The following ZNF486 variants were observed in gnomAD, a reference collection of about 807,000 sequenced individuals.
The protein encoded by ZNF486 is zinc finger protein 486.
ZNF486 carries 12 observed loss-of-function variants against 12.8 expected under a neutral mutation model. The ratio of observed to expected loss-of-function variants is 0.94; its 90% confidence interval spans 0.60 to 1.52. The LOEUF (loss-of-function observed/expected upper bound fraction) is 1.52. Among genes scored for constraint, ZNF486 ranks in the 40% most tolerant of loss-of-function variants. The pLI, the probability that ZNF486 is intolerant of heterozygous loss-of-function variation, is 0.00. For missense variants in ZNF486, 738 were observed against 545.0 expected (o/e 1.35, Z -3.53); for synonymous variants, 231 against 184.9 (o/e 1.25, Z -2.02).
At chr19:20,170,678 GAA>G (rs1294821448) in intron 1 of ZNF486, among the ~76,000 whole-genome samples, 5 of 152,180 alleles carry the variant, frequency 3.3e-5, no homozygotes, top group Non-Finnish European at 5.9e-5. Flanking sequence ...TGACAGGTAA[GAA>G]AAGAGAGCAC....
intron 3 of ZNF486, 67 bp downstream of exon 3, chr19:20,186,149 C>A: frequency 1.6e-6 from 2 of 1,240,762 alleles, no homozygotes; most frequent in Non-Finnish European, 2.2e-6. Flanking sequence ...AAAAAGAAAG[C>A]CAGTCCTTAA....
At chr19:20,179,935 T>C (rs782050727) in intron 1 of ZNF486, among the ~76,000 whole-genome samples, 10 of 152,246 alleles carry the variant, frequency 6.6e-5, no homozygotes, top group Non-Finnish European at 1.0e-4. Context: ...AATGTGATAC[T>C]GGAGTAGAGT....
chr19:20,184,539 T>C, intron 2 of ZNF486, 57 bp downstream of exon 2: 2 of 1,516,078 alleles, frequency 1.3e-6, no homozygotes, highest in Non-Finnish European at 1.8e-6. Flanking sequence ...TATTTCTCTT[T>C]TTTGCAGAAT....
chr19:20,175,668 G>A (rs376525610), intron 1 of ZNF486, among the ~76,000 whole-genome samples: 7 of 152,070 alleles, frequency 4.6e-5, no homozygotes, highest in African/African-American at 9.7e-5. Context: ...AGATCAACAG[G>A]ATCCCAAGGC....
At chr19:20,182,826 T>TA (rs2089800960) in intron 1 of ZNF486, among the ~76,000 whole-genome samples, 1 of 152,172 alleles carries the variant, frequency 6.6e-6, no homozygotes, top group South Asian at 2.1e-4. Context: ...CTGATACCTT[T>TA]AAAGGCATGT....
chr19:20,179,474 A>G (rs11878733), intron 1 of ZNF486, among the ~76,000 whole-genome samples: 11,723 of 152,128 alleles, frequency 0.077, 686 homozygotes, highest in African/African-American at 0.17. Context: ...TATTCATGTT[A>G]TGTCACCTTT....
At chr19:20,175,484 C>G (rs905368207) in intron 1 of ZNF486, among the ~76,000 whole-genome samples, 17 of 151,318 alleles carry the variant, frequency 1.1e-4, no homozygotes, top group Admixed American at 5.3e-4. Flanking sequence ...TGCGGCCTTC[C>G]GCAGTGTTTG....
At chr19:20,181,960 C>T (rs140705500) in intron 1 of ZNF486, among the ~76,000 whole-genome samples, 3 of 152,312 alleles carry the variant, frequency 2.0e-5, no homozygotes, top group East Asian at 3.9e-4. Context: ...GCACAAAGTA[C>T]CTGCTTAATA....
At chr19:20,193,619 C>G (rs186780351) in intron 3 of ZNF486, among the ~76,000 whole-genome samples, 2 of 151,984 alleles carry the variant, frequency 1.3e-5, no homozygotes, top group Admixed American at 1.3e-4. Context: ...CAAGGTCACA[C>G]CACTGTACTC....
In ZNF486 at chr19:20,167,299, G is replaced by A; in HGVS notation, c.-32G>A. 1.2e-6 allele frequency: 2 copies of A among 1,614,056 alleles called. No homozygotes were observed. Among genetic ancestry groups the A allele is most frequent in the Non-Finnish European group, 8.5e-7 (1 of 1,179,936 alleles). On this transcript the variant is annotated 5_prime_UTR_variant, in exon 1 of 4. Coordinates refer to ENST00000335117, the MANE Select transcript of ZNF486 (RefSeq NM_052852.4). ...AGAGGCCCACCCTCTGTGGCCCTGT[G>A]TCCTGTAGGTATTGGGAGATCCACA...
intron 1 of ZNF486, among the ~76,000 whole-genome samples, chr19:20,168,101 C>T (rs1419166418): frequency 2.6e-5 from 4 of 152,016 alleles, no homozygotes; most frequent in African/African-American, 9.6e-5. Context: ...GTGGCTCACG[C>T]CTGTAATCCC....
chr19:20,176,369 CAT>C, intron 1 of ZNF486: 1 of 157,262 alleles, frequency 6.4e-6, no homozygotes, highest in Non-Finnish European at 1.2e-5. Context: ...GGGCCCCTCA[CAT>C]CCCAGACGAT....
Position 20,198,159 on chromosome 19 carries a change from C to G in ZNF486, c.*57C>G. The stretch of plus-strand genomic sequence containing the variant: ...GAGAGGTAATTCTGCTGTTGTTTCC[C>G]AGGCTGGAGTGCAATGGCATAATTT... On this transcript the variant is annotated 3_prime_UTR_variant, in exon 4 of 4. Transcript: ENST00000335117. 1 of 1,460,358 alleles carries G rather than the reference C, an allele frequency of 6.8e-7. No homozygotes were observed. Among genetic ancestry groups the G allele is most frequent in the Non-Finnish European group, 9.1e-7 (1 of 1,094,490 alleles). The allele number at this position is 1,460,358 out of a possible 1,614,324, so 90.5% of individuals were successfully genotyped here.
In ZNF486 at chr19:20,189,646, A is replaced by G. The variant is rs368852548; in HGVS notation, c.253+3564A>G. Among the ~76,000 whole-genome samples the G allele has an allele frequency of 9.9e-5, 15 of 152,242 alleles. No homozygotes were observed. The East Asian group carries it at 2.5e-3, about 25-fold the overall frequency. ...CCCATTTGTGTAGTTTTTTGATGAA[A>G]AATCTTTTTGTTCATTTTTAAATCA... On this transcript the variant is annotated intron_variant, in intron 3 of 3. Transcript: ENST00000335117.
intron 1 of ZNF486, chr19:20,174,880 G>T (rs1237196366): frequency 2.0e-5 from 3 of 152,096 alleles, no homozygotes; most frequent in African/African-American, 7.2e-5. Context: ...TCATTAAATT[G>T]GTATGCTGCT....
intron 1 of ZNF486, among the ~76,000 whole-genome samples, chr19:20,181,328 A>G (rs1166571732): frequency 6.6e-6 from 1 of 152,178 alleles, no homozygotes; most frequent in Non-Finnish European, 1.5e-5. Context: ...TCATGAGGTC[A>G]GGAAATCGAG....
rs782799167 is a variant in ZNF486, at chr19:20,184,429, AG to A, written c.105del (p.Asn36IlefsTer6). The A allele has an allele frequency of 2.5e-6, 4 of 1,613,478 alleles. No homozygotes were observed. In the South Asian group the frequency reaches 4.4e-5, roughly 18 times the overall value. On this transcript the variant is annotated frameshift_variant, in exon 2 of 4. Coordinates refer to ENST00000335117, the MANE Select transcript of ZNF486 (RefSeq NM_052852.4). LOFTEE classifies it high-confidence loss of function. ...TGGCATTGCCTGGACACTGCACAGC[AG>A]AATTTATATAGGGATGTGATGTTAG... is the stretch of plus-strand genomic sequence containing the variant. ...EEWHCLDTAQQNLYRDVMLEN... is the reference protein window; with the variant it reads ...EEWHCLDTAQXNLYRDVMLEN...
At position 20,198,065 on chromosome 19, in the gene ZNF486, A is replaced by G. The variant is rs2089979306; in HGVS notation, c.1355A>G (p.His452Arg). 3 of 1,606,846 alleles carry G rather than the reference A, an allele frequency of 1.9e-6. No homozygotes were observed. The highest frequency in any genetic ancestry group is 2.6e-6 in the Non-Finnish European group (3 of 1,176,272). Residue 452 changes from histidine to arginine, a missense_variant, in exon 4 of 4, where the codon CAT becomes CGT. By Grantham distance (29) the His-to-Arg change is conservative. Coordinates refer to ENST00000335117, the MANE Select transcript of ZNF486 (RefSeq NM_052852.4). The stretch of plus-strand genomic sequence containing the variant: ...AACTGGTCCTCAGACCTTAATAAAC[A>G]TAAGAGAATTCATATTGGACAGAAA... ...AFNWSSDLNKHKRIHIGQKPR... is the reference protein window; with the variant it reads ...AFNWSSDLNKRKRIHIGQKPR...
chr19:20,185,916 G>A (rs1303181506), intron 2 of ZNF486, 71 bp from the exon 3 acceptor site: 3 of 906,052 alleles, frequency 3.3e-6, no homozygotes, highest in African/African-American at 3.5e-5. Flanking sequence ...CATTCTTTCT[G>A]CTGAGCACAT....
Sources: gnomAD v4.1 joint callset for allele counts (sites outside exome capture counted in the v4.1 genomes callset) on GRCh38, gnomAD v4.1.1 for gene constraint, MANE v1.5 for transcripts, NCBI Gene and HGNC (gene_info 2026-07-23, HGNC 2026-07-21) for gene names.